The following CNTNAP2 variants were observed in gnomAD, a reference collection of about 807,000 sequenced individuals.
CNTNAP2 encodes contactin associated protein 2, also known as contactin-associated protein-like 2.
A neutral mutation model predicts 155.2 loss-of-function variants in CNTNAP2; 98 were observed. The observed-to-expected ratio is 0.63, with a 90% CI of 0.54 to 0.75. The LOEUF (loss-of-function observed/expected upper bound fraction) is 0.75, where lower values mean the gene tolerates loss of function less well. Among genes scored for constraint, CNTNAP2 ranks in the 30% least tolerant of loss-of-function variants. CNTNAP2 has a pLI of 0.00. For synonymous variants in CNTNAP2, 651 were observed against 631.2 expected, an observed-to-expected ratio of 1.03 and a Z score of -0.47; for missense variants, 1,727 against 1,688.1, an observed-to-expected ratio of 1.02 and a Z score of -0.40.
At chr7:147,007,012 A>G (rs890380644) in intron 3 of CNTNAP2, among the ~76,000 whole-genome samples, 8 of 152,164 alleles carry the variant, frequency 5.3e-5, no homozygotes, top group African/African-American at 1.4e-4. Flanking sequence ...ACAAATGGGC[A>G]TAAAGAGGTG....
At chr7:146,997,294 T>G (rs758731963) in intron 3 of CNTNAP2, among the ~76,000 whole-genome samples, 3 of 152,184 alleles carry the variant, frequency 2.0e-5, no homozygotes, top group Non-Finnish European at 4.4e-5. Context: ...TGTTAAATTT[T>G]GTAAAAAGGT....
At chr7:146,737,580 T>C (rs927901363) in intron 1 of CNTNAP2, among the ~76,000 whole-genome samples, 1 of 152,098 alleles carries the variant, frequency 6.6e-6, no homozygotes, top group African/African-American at 2.4e-5. Flanking sequence ...ACGTACCTTA[T>C]TATACGCTTA....
At chr7:146,373,698 A>G (rs1795268416) in intron 1 of CNTNAP2, among the ~76,000 whole-genome samples, 1 of 152,158 alleles carries the variant, frequency 6.6e-6, no homozygotes, top group Non-Finnish European at 1.5e-5. Context: ...AATATAACAG[A>G]GAAAATATTC....
At position 147,903,619 on chromosome 7, in the gene CNTNAP2, G is replaced by T. The variant is rs398124268; in HGVS notation, c.2153G>T (p.Trp718Leu). ...AAAGCCAACGAGAAGCACTACTACT[G>T]GGGAGGCTCTGGGCCTGGAATCCAG... Reference protein sequence around the residue: ...VGKANEKHYYWGGSGPGIQKC... With the variant: ...VGKANEKHYYLGGSGPGIQKC... The change falls in exon 14 of 24, where the codon TGG becomes TTG. Residue 718 changes from tryptophan to leucine, a missense_variant. Trp to Leu is a moderately conservative substitution (Grantham distance 61). Coordinates refer to ENST00000361727, the MANE Select transcript of CNTNAP2 (RefSeq NM_014141.6). 6.2e-7 allele frequency: 1 copy of T among 1,614,174 alleles called. No homozygotes were observed. Among genetic ancestry groups the T allele is most frequent in the East Asian group, 2.2e-5 (1 of 44,868 alleles).
At chr7:146,997,740 C>T (rs894835169) in intron 3 of CNTNAP2, among the ~76,000 whole-genome samples, 2 of 152,092 alleles carry the variant, frequency 1.3e-5, no homozygotes, top group East Asian at 3.9e-4. Context: ...CAATATTGGT[C>T]TGTTCAGAGA....
chr7:147,233,684 T>C (rs1584808721), intron 8 of CNTNAP2, among the ~76,000 whole-genome samples: 1 of 151,914 alleles, frequency 6.6e-6, no homozygotes, highest in African/African-American at 2.4e-5. Flanking sequence ...CATACACATG[T>C]AATTTATTTT....
chr7:147,290,693 A>G (rs893316175), intron 8 of CNTNAP2, among the ~76,000 whole-genome samples: 2 of 151,390 alleles, frequency 1.3e-5, no homozygotes, highest in Non-Finnish European at 3.0e-5. Flanking sequence ...CAAAAAAAAA[A>G]AAAAAAAAAA....
chr7:146,297,551 A>G (rs1310514101), intron 1 of CNTNAP2, among the ~76,000 whole-genome samples: 1 of 152,144 alleles, frequency 6.6e-6, no homozygotes, highest in African/African-American at 2.4e-5. Context: ...AGCATACAAA[A>G]CTAGAAAAAG....
At chr7:146,671,291 T>C (rs531849531) in intron 1 of CNTNAP2, among the ~76,000 whole-genome samples, 1 of 152,284 alleles carries the variant, frequency 6.6e-6, no homozygotes, top group South Asian at 2.1e-4. Context: ...ACCTAGACTT[T>C]GGAAAGGAAT....
chr7:146,860,817 T>G (rs1795084318), intron 3 of CNTNAP2, among the ~76,000 whole-genome samples: 1 of 151,864 alleles, frequency 6.6e-6, no homozygotes, highest in African/African-American at 2.4e-5. Flanking sequence ...TATACCAGGG[T>G]CTTAAGGATA....
chr7:147,756,224 G>A (rs1296135128), intron 13 of CNTNAP2, among the ~76,000 whole-genome samples: 1 of 152,156 alleles, frequency 6.6e-6, no homozygotes, highest in Non-Finnish European at 1.5e-5. Context: ...TGATATAAAG[G>A]CAAACCTGTC....
intron 13 of CNTNAP2, among the ~76,000 whole-genome samples, chr7:147,682,781 A>C (rs970075229): frequency 6.6e-6 from 1 of 151,948 alleles, no homozygotes. Context: ...TCTGTTCTAC[A>C]TTATACACAT....
chr7:147,113,012 G>A (rs567037554), intron 5 of CNTNAP2, among the ~76,000 whole-genome samples: 46 of 152,128 alleles, frequency 3.0e-4, no homozygotes, highest in South Asian at 2.1e-4. Context: ...AGTCTGTCTC[G>A]TCCTGGGCTT....
chr7:146,371,461 C>T (rs1011172986), intron 1 of CNTNAP2, among the ~76,000 whole-genome samples: 11 of 149,702 alleles, frequency 7.3e-5, no homozygotes, highest in African/African-American at 1.2e-4. Flanking sequence ...CTCCGCCTCC[C>T]GGGTTCATGC....
chr7:146,842,651 G>GGGAGCA lies in CNTNAP2; in HGVS notation c.402+2752_402+2757dup, dbSNP rs1473484141. Among the ~76,000 whole-genome samples, 14 of 152,166 alleles carry GGGAGCA rather than the reference G, an allele frequency of 9.2e-5. No homozygotes were observed. In the East Asian group the frequency reaches 2.7e-3, roughly 30 times the overall value. ...GGGAGGCAGGCATGTCTTACATGCC[G>GGGAGCA]GGAGCAGGAGGAAGAAAGAGACGGG... On this transcript the variant is annotated intron_variant, in intron 3 of 23. Coordinates refer to ENST00000361727, the MANE Select transcript of CNTNAP2 (RefSeq NM_014141.6).
At chr7:146,260,982 G>A (rs1799911026) in intron 1 of CNTNAP2, among the ~76,000 whole-genome samples, 1 of 152,150 alleles carries the variant, frequency 6.6e-6, no homozygotes, top group South Asian at 2.1e-4. Flanking sequence ...TTGGTGAGAG[G>A]TGATTGGTTC....
chr7:146,605,771 C>T (rs758224351), intron 1 of CNTNAP2, among the ~76,000 whole-genome samples: 4 of 152,052 alleles, frequency 2.6e-5, no homozygotes, highest in African/African-American at 7.2e-5. Context: ...CATAGTGATA[C>T]GACTGATATG....
At position 148,240,029 on chromosome 7, in the gene CNTNAP2, A is replaced by T. The variant is rs116035401; in HGVS notation, c.3381+10250A>T. On this transcript the variant is annotated intron_variant, in intron 20 of 23. Coordinates refer to ENST00000361727, the MANE Select transcript of CNTNAP2 (RefSeq NM_014141.6). ...ACATGGTGAGAAAGTTCCAAACAGC[A>T]ATCGTTTCTGAAGCCTGATTTGGAT... Among the ~76,000 whole-genome samples the T allele has an allele frequency of 8.3e-3, 1,262 of 152,310 alleles. 19 individuals carry two copies. The highest frequency in any genetic ancestry group is 0.029 in the African/African-American group (1,198 of 41,564).
chr7:147,058,264 A>G (rs1248575838), intron 4 of CNTNAP2, among the ~76,000 whole-genome samples: 2 of 152,194 alleles, frequency 1.3e-5, no homozygotes, highest in South Asian at 2.1e-4. Flanking sequence ...GATTATTTAT[A>G]TAGCTGTTTC....
Sources: allele counts gnomAD v4.1 joint callset (sites outside exome capture counted in the v4.1 genomes callset), GRCh38; gene constraint gnomAD v4.1.1; transcripts MANE v1.5; gene names NCBI Gene and HGNC (gene_info 2026-07-23, HGNC 2026-07-21).